BMPER: variants seen among roughly 807,000 people sequenced by gnomAD.
BMPER encodes the protein BMP-binding endothelial regulator protein.
BMPER carries 45 observed loss-of-function variants against 87.3 expected under a neutral mutation model. That is an observed-to-expected ratio of 0.52 (90% confidence interval 0.41 to 0.66). BMPER has a LOEUF of 0.66. BMPER is among the 30% of genes least tolerant of loss of function. The probability of loss-of-function intolerance (pLI) is 0.00; values close to 1 mark genes in which losing one functional copy is unlikely to be tolerated. For synonymous variants in BMPER, 326 were observed against 316.2 expected, an observed-to-expected ratio of 1.03 and a Z score of -0.33; for missense variants, 784 against 867.5, an observed-to-expected ratio of 0.90 and a Z score of 1.21.
intron 6 of BMPER, among the ~76,000 whole-genome samples, chr7:34,001,744 C>T (rs1372231160): frequency 6.6e-6 from 1 of 151,434 alleles, no homozygotes; most frequent in Non-Finnish European, 1.5e-5. Flanking sequence ...TATTCTTTTC[C>T]TAATTTGTTA....
intron 6 of BMPER, among the ~76,000 whole-genome samples, chr7:34,005,293 A>G (rs1562684439): frequency 6.6e-6 from 1 of 152,074 alleles, no homozygotes; most frequent in African/African-American, 2.4e-5. Flanking sequence ...AAACTATTGT[A>G]ACACTGGGTA....
At chr7:34,131,205 G>A (rs562942836) in intron 13 of BMPER, among the ~76,000 whole-genome samples, 105 of 152,178 alleles carry the variant, frequency 6.9e-4, no homozygotes, top group Non-Finnish European at 2.1e-4. Context: ...GGATGGTGGC[G>A]TGCCAGCCCC....
At chr7:33,978,651 C>T (rs959984451) in intron 6 of BMPER, among the ~76,000 whole-genome samples, 6 of 152,122 alleles carry the variant, frequency 3.9e-5, no homozygotes, top group African/African-American at 9.7e-5. Flanking sequence ...AACACAAAAA[C>T]GGATACTTCT....
At chr7:34,120,258 G>A (rs1315591502) in intron 13 of BMPER, among the ~76,000 whole-genome samples, 1 of 151,934 alleles carries the variant, frequency 6.6e-6, no homozygotes, top group East Asian at 1.9e-4. Context: ...TGACTACATG[G>A]AAAATTGTAA....
chr7:33,921,317 C>T (rs1784224013), intron 2 of BMPER, among the ~76,000 whole-genome samples: 1 of 152,204 alleles, frequency 6.6e-6, no homozygotes, highest in East Asian at 1.9e-4. Flanking sequence ...CTCAAAGCCA[C>T]CCTGTGAGGT....
At chr7:33,987,594 C>T (rs1456249920) in intron 6 of BMPER, among the ~76,000 whole-genome samples, 1 of 152,170 alleles carries the variant, frequency 6.6e-6, no homozygotes, top group Non-Finnish European at 1.5e-5. Context: ...GGTGCACCTT[C>T]CATATAAGGG....
chr7:34,139,341 A>C (rs1005687207), intron 13 of BMPER, among the ~76,000 whole-genome samples: 1 of 152,358 alleles, frequency 6.6e-6, no homozygotes, highest in East Asian at 1.9e-4. Flanking sequence ...TGAATAACTA[A>C]GACCTACAAA....
chr7:34,145,684 G>A (rs557906279), intron 14 of BMPER, among the ~76,000 whole-genome samples: 1 of 152,260 alleles, frequency 6.6e-6, no homozygotes, highest in Admixed American at 6.5e-5. Context: ...AACCATCCTG[G>A]TATAATGCAG....
At chr7:34,036,476 C>T (rs1029470919) in intron 6 of BMPER, among the ~76,000 whole-genome samples, 1 of 152,108 alleles carries the variant, frequency 6.6e-6, no homozygotes, top group African/African-American at 2.4e-5. Context: ...TGTCAGGGCC[C>T]TTATCAGCAG....
intron 2 of BMPER, among the ~76,000 whole-genome samples, chr7:33,935,379 T>C (rs2128608642): frequency 6.6e-6 from 1 of 152,174 alleles, no homozygotes; most frequent in Admixed American, 6.5e-5. Context: ...ACCTGGGAGC[T>C]TGAACAAATA....
intron 13 of BMPER, among the ~76,000 whole-genome samples, chr7:34,095,890 G>T (rs1789516853): frequency 6.6e-6 from 1 of 151,926 alleles, no homozygotes; most frequent in African/African-American, 2.4e-5. Context: ...GTAAGTGACA[G>T]TGGCCATTGG....
intron 3 of BMPER, among the ~76,000 whole-genome samples, chr7:33,940,971 T>G (rs1271451363): frequency 7.4e-5 from 10 of 135,940 alleles, no homozygotes; most frequent in Non-Finnish European, 1.5e-4. Context: ...ATATATAATA[T>G]AATTTATATA....
intron 14 of BMPER, among the ~76,000 whole-genome samples, chr7:34,147,594 C>T (rs910934993): frequency 2.0e-5 from 3 of 152,092 alleles, no homozygotes; most frequent in Non-Finnish European, 4.4e-5. Context: ...CCTCAGCCTC[C>T]CTAGTAGCTG....
At chr7:34,002,759 GTCTT>G (rs1313171558) in intron 6 of BMPER, among the ~76,000 whole-genome samples, 3 of 151,588 alleles carry the variant, frequency 2.0e-5, no homozygotes, top group Non-Finnish European at 4.4e-5. Flanking sequence ...ATTGTAAAAT[GTCTT>G]TCTTTGTCTC....
intron 6 of BMPER, among the ~76,000 whole-genome samples, chr7:34,010,328 T>C (rs908223539): frequency 8.6e-5 from 13 of 151,964 alleles, no homozygotes; most frequent in Non-Finnish European, 1.6e-4. Flanking sequence ...TTTTTAGGAG[T>C]GTAGATGAGA....
chr7:34,056,013 C>T (rs1051306566), intron 9 of BMPER, among the ~76,000 whole-genome samples: 4 of 152,216 alleles, frequency 2.6e-5, no homozygotes, highest in Non-Finnish European at 4.4e-5. Flanking sequence ...TCATGATACC[C>T]ATGAGAATCA....
Position 33,958,843 on chromosome 7 carries a change from G to A in BMPER, c.320-7636G>A, listed in dbSNP as rs913500561. ...TGCTAATATGGTTTGGCTCTGTGTC[G>A]CCACCCAAATCTCACTTTGAATTGT... On this transcript the variant is annotated intron_variant, in intron 3 of 14. Coordinates refer to ENST00000649409, the MANE Select transcript of BMPER (RefSeq NM_001365308.1). 3.9e-5 allele frequency among the ~76,000 whole-genome samples: 6 copies of A among 152,068 alleles called. No individual in the cohort carries two copies. The South Asian group carries it at 8.3e-4, about 21-fold the overall frequency.
intron 2 of BMPER, among the ~76,000 whole-genome samples, chr7:33,931,391 C>CATT (rs1349308925): frequency 1.8e-4 from 28 of 152,166 alleles, no homozygotes; most frequent in Non-Finnish European, 4.0e-4. Context: ...GAGACAGCCT[C>CATT]ATTGTGTGCC....
intron 6 of BMPER, among the ~76,000 whole-genome samples, chr7:33,981,160 C>T (rs1324888280): frequency 6.6e-6 from 1 of 152,180 alleles, no homozygotes; most frequent in African/African-American, 2.4e-5. Context: ...AGGACTCCCA[C>T]CAGCAACGTG....
Sources: allele counts gnomAD v4.1 joint callset (sites outside exome capture counted in the v4.1 genomes callset), GRCh38; gene constraint gnomAD v4.1.1; transcripts MANE v1.5; gene names NCBI Gene and HGNC (gene_info 2026-07-23, HGNC 2026-07-21).